CFAP251: variants seen among roughly 807,000 people sequenced by gnomAD.
CFAP251 encodes the protein cilia- and flagella-associated protein 251.
CFAP251 carries 93 observed loss-of-function variants against 126.7 expected under a neutral mutation model. The observed-to-expected ratio is 0.73, with a 90% CI of 0.62 to 0.87. The LOEUF (loss-of-function observed/expected upper bound fraction) is 0.87. CFAP251 is among the 40% of genes least tolerant of loss of function. CFAP251 has a pLI of 0.00. For synonymous variants in CFAP251, 503 were observed against 506.9 expected (o/e 0.99, Z 0.10); for missense variants, 1,287 against 1,389.2 (o/e 0.93, Z 1.17).
Position 121,923,820 on chromosome 12 carries a change from G to A in CFAP251, c.577G>A (p.Glu193Lys). The A allele has an allele frequency of 6.2e-7, 1 of 1,614,130 alleles. No individual in the cohort carries two copies. The highest frequency in any genetic ancestry group is 8.5e-7 in the Non-Finnish European group (1 of 1,180,024). Residue 193 changes from glutamate (E) to lysine (K), a missense_variant, in exon 3 of 22, where the codon GAA becomes AAA. Physicochemically the swap from Glu to Lys is moderately conservative, Grantham distance 56 (BLOSUM62 1). Transcript: ENST00000288912. ...GAAAACCGACCGGATGCCCCAAGAT[G>A]AACTGGGACAAGAAAGAAGGGACTT... ...EEKTDRMPQD[E>K]LGQERRDLEP...
intron 2 of CFAP251, among the ~76,000 whole-genome samples, chr12:121,922,430 G>A (rs955071407): frequency 6.6e-6 from 1 of 152,136 alleles, no homozygotes; most frequent in Non-Finnish European, 1.5e-5. Flanking sequence ...TCTAAGGTGT[G>A]TAGGGAGGCA....
chr12:121,959,448 A>G lies in CFAP251; in HGVS notation c.2133+354A>G, dbSNP rs916090669. The G allele has an allele frequency of 1.6e-5, 3 of 183,548 alleles. No homozygotes were observed. The South Asian group carries it at 4.0e-4, about 25-fold the overall frequency. 11.4% of individuals were successfully genotyped at this position (183,548 alleles called of 1,614,324 possible). On this transcript the variant is annotated intron_variant, in intron 13 of 21. Coordinates refer to ENST00000288912, the MANE Select transcript of CFAP251 (RefSeq NM_144668.6). ...GGAGGGAAAAGCAGTGGTCTTCGCT[A>G]AACTCCTGTCCCTTCCGGCGCTCTC...
chr12:121,968,238 C>T, intron 17 of CFAP251, 69 bp downstream of exon 17: 1 of 1,450,410 alleles, frequency 6.9e-7, no homozygotes, highest in East Asian at 2.3e-5. Context: ...GTGATAGACA[C>T]TGAACCCTAC....
Position 121,942,601 on chromosome 12 carries a change from C to T in CFAP251, c.1066C>T (p.His356Tyr), listed in dbSNP as rs375294419. Residue 356 changes from histidine (H) to tyrosine (Y), a missense_variant, in exon 6 of 22, where the codon CAC (histidine) becomes TAC (tyrosine). Physicochemically the swap from His to Tyr is moderately conservative, Grantham distance 83. Transcript: ENST00000288912. ...TGGCATCATGGCCATGGCCATGACC[C>T]ACGACGCCAAGTATCTGGCAACCAT... is the stretch of plus-strand genomic sequence containing the variant. ...GNGIMAMAMTHDAKYLATISD... is the reference protein window; with the variant it reads ...GNGIMAMAMTYDAKYLATISD... 1 of 1,613,570 alleles carries T rather than the reference C, an allele frequency of 6.2e-7. No individual in the cohort carries two copies. The highest frequency in any genetic ancestry group is 1.3e-5 in the African/African-American group (1 of 74,920).
intron 19 of CFAP251, among the ~76,000 whole-genome samples, chr12:121,981,279 C>T (rs1013153933): frequency 6.6e-6 from 1 of 150,874 alleles, no homozygotes; most frequent in African/African-American, 2.4e-5. Flanking sequence ...CAAGACCAAC[C>T]TAGGCAATAT....
At chr12:121,969,290 C>A (rs1271129546) in intron 17 of CFAP251, 1 of 985,300 alleles carries the variant, frequency 1.0e-6, no homozygotes, top group Admixed American at 6.1e-5. Context: ...ATTGCACTTG[C>A]AGCTCTGACT....
chr12:121,938,874 C>T (rs369762718), intron 5 of CFAP251, among the ~76,000 whole-genome samples: 188 of 151,824 alleles, frequency 1.2e-3, no homozygotes, highest in African/African-American at 4.3e-3. Flanking sequence ...CCTGTAATCC[C>T]ACCTACTCAG....
At chr12:121,939,009 C>G (rs2135759625) in intron 5 of CFAP251, among the ~76,000 whole-genome samples, 1 of 151,968 alleles carries the variant, frequency 6.6e-6, no homozygotes, top group East Asian at 1.9e-4. Flanking sequence ...TTAATGAAAA[C>G]TGATACATTT....
intron 1 of CFAP251, among the ~76,000 whole-genome samples, chr12:121,920,401 T>A (rs1375947331): frequency 6.9e-6 from 1 of 145,124 alleles, no homozygotes; most frequent in Admixed American, 6.8e-5. Context: ...TTTTTGTATT[T>A]TTTTTTTTTT....
Position 121,999,824 on chromosome 12 carries a change from C to A in CFAP251, c.3115C>A (p.Pro1039Thr), listed in dbSNP as rs1658994510. 1 of 1,614,054 alleles carries A rather than the reference C, an allele frequency of 6.2e-7. No individual in the cohort carries two copies. The highest frequency in any genetic ancestry group is 8.5e-7 in the Non-Finnish European group (1 of 1,180,016). Residue 1039 changes from proline (P) to threonine (T), a missense_variant, in exon 20 of 22, where the codon CCA becomes ACA. Physicochemically the swap from Pro to Thr is conservative, Grantham distance 38. Coordinates refer to ENST00000288912, the MANE Select transcript of CFAP251 (RefSeq NM_144668.6). ...CCTAAAAGTGTACCTTAACCACAAG[C>A]CACCTTTTGGTAACACCATGAGTGG... ...DFLKVYLNHK[P>T]PFGNTMSGIH...
At chr12:121,960,365 G>A (rs1472940747) in intron 13 of CFAP251, among the ~76,000 whole-genome samples, 1 of 152,000 alleles carries the variant, frequency 6.6e-6, no homozygotes, top group Non-Finnish European at 1.5e-5. Context: ...TTATAGGCAT[G>A]TGCCACCACG....
intron 15 of CFAP251, among the ~76,000 whole-genome samples, chr12:121,962,974 G>A (rs559773695): frequency 4.6e-5 from 7 of 152,284 alleles, no homozygotes; most frequent in Admixed American, 6.5e-5. Flanking sequence ...TCAGAGGTAC[G>A]GGCTGGTGCC....
At chr12:121,925,906 G>A (rs931525213) in intron 3 of CFAP251, among the ~76,000 whole-genome samples, 3 of 152,118 alleles carry the variant, frequency 2.0e-5, no homozygotes, top group Non-Finnish European at 4.4e-5. Context: ...GTGCAGTGGC[G>A]TGATCTTGGA....
chr12:121,968,214 T>C, intron 17 of CFAP251, 45 bp downstream of exon 17: 1 of 1,551,850 alleles, frequency 6.4e-7, no homozygotes. Flanking sequence ...TAAACTCCTT[T>C]TCACTCAGCA....
intron 9 of CFAP251, 82 bp downstream of exon 9, chr12:121,951,612 C>T (rs991338999): frequency 9.7e-7 from 1 of 1,035,702 alleles, no homozygotes; most frequent in Non-Finnish European, 1.5e-6. Context: ...CTTCGGGCTA[C>T]TCTTTGTACA....
intron 3 of CFAP251, among the ~76,000 whole-genome samples, chr12:121,925,035 C>T (rs943898991): frequency 6.6e-6 from 1 of 151,134 alleles, no homozygotes; most frequent in Non-Finnish European, 1.5e-5. Context: ...CCTTTTTTCT[C>T]TCACATTGTA....
intron 15 of CFAP251, among the ~76,000 whole-genome samples, chr12:121,966,610 G>A (rs899275843): frequency 6.3e-5 from 9 of 141,744 alleles, no homozygotes; most frequent in African/African-American, 2.4e-4. Context: ...TTTTGAGATG[G>A]AGTCTCACTT....
intron 4 of CFAP251, 50 bp from the exon 5 acceptor site, chr12:121,934,197 G>T (rs762473056): frequency 1.4e-6 from 2 of 1,481,340 alleles, no homozygotes; most frequent in Non-Finnish European, 1.9e-6. Context: ...AGTGGCCAAG[G>T]CTGGGCCGCA....
chr12:121,992,106 G>A (rs1882889265), intron 19 of CFAP251: 1 of 638,126 alleles, frequency 1.6e-6, no homozygotes, highest in Non-Finnish European at 1.9e-6. Flanking sequence ...CCAATCAAAG[G>A]CCAGGCTGAC....
Sources: gnomAD v4.1 joint callset for allele counts (sites outside exome capture counted in the v4.1 genomes callset) on GRCh38, gnomAD v4.1.1 for gene constraint, MANE v1.5 for transcripts, NCBI Gene and HGNC (gene_info 2026-07-23, HGNC 2026-07-21) for gene names.